FAM13A: variants seen among roughly 807,000 people sequenced by gnomAD.
FAM13A encodes the protein protein FAM13A.
Under a neutral mutation model 129.6 loss-of-function variants are expected in FAM13A, and 76 were observed. That is an observed-to-expected ratio of 0.59 (90% confidence interval 0.49 to 0.71). The LOEUF is 0.71. Ranked by LOEUF, FAM13A falls within the 30% of genes least tolerant of loss-of-function variation. FAM13A has a pLI of 0.00. For synonymous variants in FAM13A, 443 were observed against 449.9 expected, an observed-to-expected ratio of 0.98 and a Z score of 0.20; for missense variants, 1,108 against 1,249.3, an observed-to-expected ratio of 0.89 and a Z score of 1.70.
At chr4:88,846,035 C>T (rs1323261435) in intron 7 of FAM13A, among the ~76,000 whole-genome samples, 1 of 152,078 alleles carries the variant, frequency 6.6e-6, no homozygotes, top group Admixed American at 6.5e-5. Context: ...ATAGTGGTAG[C>T]TATTTCTTTA....
At chr4:88,823,193 T>C in intron 7 of FAM13A, 1 of 1,452,068 alleles carries the variant, frequency 6.9e-7, no homozygotes, top group Non-Finnish European at 9.0e-7. Flanking sequence ...CCAAACTTCT[T>C]CAGGCAATGC....
intron 6 of FAM13A, chr4:88,855,806 A>T (rs1392690030): frequency 6.6e-6 from 1 of 152,216 alleles, no homozygotes; most frequent in Non-Finnish European, 1.5e-5. Flanking sequence ...CCTCAATCTT[A>T]ATTTTTATAC....
At chr4:88,924,314 C>T (rs1751703958) in intron 5 of FAM13A, among the ~76,000 whole-genome samples, 2 of 152,118 alleles carry the variant, frequency 1.3e-5, no homozygotes, top group African/African-American at 4.8e-5. Flanking sequence ...TACTACAAGG[C>T]TACAGTAACC....
Position 89,038,849 on chromosome 4 carries a change from T to C in FAM13A, c.28-9200A>G, listed in dbSNP as rs561925061. Among the ~76,000 whole-genome samples the C allele has an allele frequency of 2.0e-5, 3 of 152,156 alleles. No individual in the cohort carries two copies. The East Asian group carries it at 5.8e-4, about 29-fold the overall frequency. ...AGCTGCCAAAATATCAACTGAAAGG[T>C]TGTTGGAGAATATGATTTTCATAGT... On this transcript the variant is annotated intron_variant, in intron 1 of 23. Coordinates refer to ENST00000264344, the MANE Select transcript of FAM13A (RefSeq NM_014883.4).
At chr4:88,823,291 G>GAGC (rs1369080805) in intron 7 of FAM13A, 1 of 1,209,712 alleles carries the variant, frequency 8.3e-7, no homozygotes, top group Non-Finnish European at 1.0e-6. Flanking sequence ...GGGCCAATCA[G>GAGC]AGCAGCAGCT....
Position 89,029,458 on chromosome 4 carries a change from A to G in FAM13A, c.217+2T>C, listed in dbSNP as rs574112425. 1.7e-5 allele frequency: 27 copies of G among 1,594,546 alleles called. No homozygotes were observed. In the South Asian group the frequency reaches 2.8e-4, roughly 17 times the overall value. ...AACAGACTAAAGCATGACTTAACTC[A>G]CCATGCTGCGTCAAATATTCCACTA... On this transcript the variant is annotated splice_donor_variant, in intron 2 of 23. Transcript: ENST00000264344. LOFTEE classifies it high-confidence loss of function.
chr4:88,797,800 CTACT>C (rs1302658845), intron 8 of FAM13A, among the ~76,000 whole-genome samples: 1 of 152,066 alleles, frequency 6.6e-6, no homozygotes, highest in Non-Finnish European at 1.5e-5. Context: ...TAATGGCTTC[CTACT>C]GTTTCAAAAA....
intron 6 of FAM13A, among the ~76,000 whole-genome samples, chr4:88,858,723 G>A (rs1157990074): frequency 1.3e-5 from 2 of 152,204 alleles, no homozygotes; most frequent in Non-Finnish European, 2.9e-5. Flanking sequence ...ATTAGTGGCT[G>A]GCAGGGGATG....
intron 6 of FAM13A, among the ~76,000 whole-genome samples, chr4:88,871,576 C>G (rs1002978505): frequency 6.6e-6 from 1 of 150,782 alleles, no homozygotes; most frequent in Admixed American, 6.6e-5. Flanking sequence ...TGAAATGAAG[C>G]GAGAAGAGAA....
intron 3 of FAM13A, among the ~76,000 whole-genome samples, chr4:88,996,917 C>A (rs1472213329): frequency 6.6e-6 from 1 of 152,074 alleles, no homozygotes; most frequent in Non-Finnish European, 1.5e-5. Flanking sequence ...GACAAACTAG[C>A]ATAGGAATAC....
In FAM13A at chr4:88,732,013, A is replaced by T; in HGVS notation, c.2832T>A (p.His944Gln). 1 of 1,611,418 alleles carries T rather than the reference A, an allele frequency of 6.2e-7. No homozygotes were observed. Among genetic ancestry groups the T allele is most frequent in the African/African-American group, 1.3e-5 (1 of 74,956 alleles). ...CSQDTGLSNL[H>Q]AASIPELLEH... ...CCAAAATGACATACATTGAGGCAGCATGGAGATTTGAAAGCCCTGTGTCCT... is the reference window on the plus strand; with the variant it reads ...CCAAAATGACATACATTGAGGCAGCTTGGAGATTTGAAAGCCCTGTGTCCT... The change falls in exon 22 of 24, where the codon CAT becomes CAA. Residue 944 changes from histidine (H) to glutamine (Q), a missense_variant. His to Gln is a conservative substitution (Grantham distance 24). This residue lies in a region of FAM13A where 529 missense variants were observed against 621.2 expected (regional missense o/e 0.85). Transcript: ENST00000264344.
chr4:88,910,586 C>T (rs988210031), intron 5 of FAM13A, among the ~76,000 whole-genome samples: 7 of 152,020 alleles, frequency 4.6e-5, no homozygotes, highest in African/African-American at 1.2e-4. Flanking sequence ...TCTCTCTATC[C>T]CCTACCCTAT....
At chr4:88,856,556 AC>A (rs1738544647) in intron 6 of FAM13A, among the ~76,000 whole-genome samples, 1 of 152,064 alleles carries the variant, frequency 6.6e-6, no homozygotes, top group Non-Finnish European at 1.5e-5. Context: ...CCAAACTCTA[AC>A]TGTGTTCTTT....
intron 3 of FAM13A, among the ~76,000 whole-genome samples, chr4:89,011,569 T>C (rs1318763572): frequency 1.3e-5 from 2 of 152,060 alleles, no homozygotes; most frequent in Non-Finnish European, 2.9e-5. Context: ...TTTTATTATT[T>C]ATATATAAAT....
intron 5 of FAM13A, among the ~76,000 whole-genome samples, chr4:88,913,842 T>C (rs1302282215): frequency 6.6e-6 from 1 of 152,160 alleles, no homozygotes; most frequent in Non-Finnish European, 1.5e-5. Context: ...CCTGAGCTCA[T>C]ATTACTTACA....
At chr4:88,919,151 A>C (rs1214855891) in intron 5 of FAM13A, among the ~76,000 whole-genome samples, 1 of 152,250 alleles carries the variant, frequency 6.6e-6, no homozygotes, top group Non-Finnish European at 1.5e-5. Context: ...CCATAAAAAA[A>C]CAATAACTGG....
intron 21 of FAM13A, among the ~76,000 whole-genome samples, chr4:88,735,901 A>T (rs1054379445): frequency 1.3e-5 from 2 of 152,244 alleles, no homozygotes; most frequent in African/African-American, 4.8e-5. Flanking sequence ...AATGTCTTTT[A>T]TAAAAAAGAG....
intron 4 of FAM13A, among the ~76,000 whole-genome samples, chr4:88,976,025 G>A (rs1383955485): frequency 6.6e-6 from 1 of 152,184 alleles, no homozygotes; most frequent in Admixed American, 6.5e-5. Flanking sequence ...TAAATAAAAT[G>A]TACTGCGCTG....
chr4:88,807,958 G>C (rs1457179088), intron 7 of FAM13A, among the ~76,000 whole-genome samples: 3 of 152,122 alleles, frequency 2.0e-5, no homozygotes, highest in Non-Finnish European at 4.4e-5. Context: ...GAAAATGTAA[G>C]CACTGAAATT....
Sources: gnomAD v4.1 joint callset for allele counts (sites outside exome capture counted in the v4.1 genomes callset) on GRCh38, gnomAD v4.1.1 for gene constraint, gnomAD v4.1.1 regional missense constraint, MANE v1.5 for transcripts, NCBI Gene and HGNC (gene_info 2026-07-23, HGNC 2026-07-21) for gene names.